Variants in CSN1S1 observed in about 807,000 individuals in gnomAD.
CSN1S1 encodes the protein casein alpha s1.
CSN1S1 carries 63 observed loss-of-function variants against 49.1 expected under a neutral mutation model. The ratio of observed to expected loss-of-function variants is 1.28; its 90% CI spans 1.05 to 1.58. The LOEUF (loss-of-function observed/expected upper bound fraction) is 1.58, where lower values mean the gene tolerates loss of function less well. Among genes scored for constraint, CSN1S1 ranks in the 40% most tolerant of loss-of-function variants. The probability of loss-of-function intolerance (pLI) is 0.00; values close to 1 mark genes in which losing one functional copy is unlikely to be tolerated. For missense variants in CSN1S1, 260 were observed against 224.7 expected (o/e 1.16, Z -1.01); for synonymous variants, 78 against 67.1 (o/e 1.16, Z -0.79).
chr4:69,934,282 AT>A (rs1422151042), intron 3 of CSN1S1, 38 bp downstream of exon 3: 1 of 1,594,742 alleles, frequency 6.3e-7, no homozygotes, highest in African/African-American at 1.3e-5. Flanking sequence ...ACTCACTCTA[AT>A]TGTGAAGCAC....
intron 2 of CSN1S1, among the ~76,000 whole-genome samples, chr4:69,933,598 T>G (rs758956411): frequency 6.6e-6 from 1 of 152,002 alleles, no homozygotes; most frequent in East Asian, 1.9e-4. Flanking sequence ...GCAGTTCTTA[T>G]CTTGTCATTC....
At position 69,941,007 on chromosome 4, in the gene CSN1S1, C is replaced by T. The variant is rs530076582; in HGVS notation, c.301-12C>T. 4 of 1,454,940 alleles carry T rather than the reference C, an allele frequency of 2.7e-6. No homozygotes were observed. In the South Asian group the frequency reaches 3.8e-5, roughly 14 times the overall value. 90.1% of individuals were successfully genotyped at this position (1,454,940 alleles called of 1,614,324 possible). ...CATCCAAGCAATTGAGAATATTTTT[C>T]TTTTTAAATAGGAACAGTTTTGTAG... On this transcript the variant is annotated splice_polypyrimidine_tract_variant and intron_variant, in intron 11 of 15. Coordinates refer to ENST00000246891, the MANE Select transcript of CSN1S1 (RefSeq NM_001890.2).
intron 3 of CSN1S1, 96 bp from the exon 4 acceptor site, chr4:69,934,594 T>C (rs1014510151): frequency 2.0e-5 from 22 of 1,080,658 alleles, no homozygotes; most frequent in Non-Finnish European, 2.4e-5. Context: ...AATCTTGAAT[T>C]AGTTACCTCT....
In CSN1S1 at chr4:69,946,377, T is replaced by C; in HGVS notation, c.*181T>C. On this transcript the variant is annotated 3_prime_UTR_variant, in exon 16 of 16. Coordinates refer to ENST00000246891, the MANE Select transcript of CSN1S1 (RefSeq NM_001890.2). ...CTAAATTTTCCTAGAGAGTTTATTG[T>C]CTAAATTTCAGTTGTGTCTTGCCAT... 1 of 294,176 alleles carries C rather than the reference T, an allele frequency of 3.4e-6. No homozygotes were observed. Among genetic ancestry groups the C allele is most frequent in the Non-Finnish European group, 6.6e-6 (1 of 151,324 alleles). The allele number at this position is 294,176 out of a possible 1,614,324, so 18.2% of individuals were successfully genotyped here.
intron 14 of CSN1S1, among the ~76,000 whole-genome samples, chr4:69,943,775 A>AG (rs1163340577): frequency 1.3e-5 from 2 of 152,022 alleles, no homozygotes; most frequent in African/African-American, 4.8e-5. Context: ...AGAGCAAAAA[A>AG]GAATACACAA....
chr4:69,934,353 A>G (rs1481464466), intron 3 of CSN1S1, 109 bp downstream of exon 3: 27 of 1,103,908 alleles, frequency 2.4e-5, no homozygotes, highest in Non-Finnish European at 3.4e-5. Context: ...TTGCTGACGC[A>G]TCATTTCTTT....
At position 69,937,142 on chromosome 4, in the gene CSN1S1, C is replaced by G; in HGVS notation, c.217C>G (p.Gln73Glu). 2 of 1,535,858 alleles carry G rather than the reference C, an allele frequency of 1.3e-6. No individual in the cohort carries two copies. The highest frequency in any genetic ancestry group is 1.8e-6 in the Non-Finnish European group (2 of 1,139,278). The change falls in exon 8 of 16, where the codon CAG becomes GAG. Residue 73 changes from glutamine to glutamate, a missense_variant and splice_region_variant. Physicochemically the swap from Gln to Glu is conservative, Grantham distance 29 (BLOSUM62 2). Coordinates refer to ENST00000246891, the MANE Select transcript of CSN1S1 (RefSeq NM_001890.2). Reference sequence around the variant, plus strand: ...GCAGGATACTAGGAATGAGTCTACTCAGGTGAGACCCTTTGTTTTAAAATT... The same window carrying G: ...GCAGGATACTAGGAATGAGTCTACTGAGGTGAGACCCTTTGTTTTAAAATT... ...EIKDTRNEST[Q>E]NCVVAEPEKM...
At chr4:69,942,853 A>G (rs2109727981) in intron 14 of CSN1S1, among the ~76,000 whole-genome samples, 1 of 151,968 alleles carries the variant, frequency 6.6e-6, no homozygotes, top group Non-Finnish European at 1.5e-5. Context: ...GTTTACAGTG[A>G]CATATTGTGT....
Position 69,946,205 on chromosome 4 carries a change from A to G in CSN1S1, c.*9A>G, listed in dbSNP as rs926804316. ...CTATTTCTATTTACAGATATGATTG[A>G]AAATTTCATTCTCTGAATTTCTCCT... On this transcript the variant is annotated 3_prime_UTR_variant, in exon 16 of 16. Transcript: ENST00000246891. 9.1e-6 allele frequency: 5 copies of G among 548,694 alleles called. No individual in the cohort carries two copies. The African/African-American group carries it at 9.7e-5, about 11-fold the overall frequency. 34.0% of individuals were successfully genotyped at this position (548,694 alleles called of 1,614,324 possible).
rs753013521 is a variant in CSN1S1 at position 69,934,250 on chromosome 4, T to A, written c.84+6T>A. On this transcript the variant is annotated splice_donor_region_variant and intron_variant, in intron 3 of 15. Transcript: ENST00000246891. ...GATACCCAGAACGCCTTCAGGTAAATATTCTATTCTGCATTCCAAGAACTC... is the reference window on the plus strand; with the variant it reads ...GATACCCAGAACGCCTTCAGGTAAAAATTCTATTCTGCATTCCAAGAACTC... 8.7e-6 allele frequency: 14 copies of A among 1,610,326 alleles called. No homozygotes were observed. Among genetic ancestry groups the A allele is most frequent in the Non-Finnish European group, 1.1e-5 (13 of 1,177,740 alleles).
At position 69,936,552 on chromosome 4, in the gene CSN1S1, T is replaced by G; in HGVS notation, c.154-14T>G. ...TGAAAACATATTTTACAAGGTACAC[T>G]TTATTGATTTTAGCAGAGAAACATT... On this transcript the variant is annotated splice_polypyrimidine_tract_variant and intron_variant, in intron 6 of 15. Transcript: ENST00000246891. The G allele has an allele frequency of 5.6e-6, 9 of 1,605,030 alleles. No homozygotes were observed. Among genetic ancestry groups the G allele is most frequent in the Non-Finnish European group, 6.0e-6 (7 of 1,175,018 alleles).
chr4:69,936,579 T>G lies in CSN1S1; in HGVS notation c.167T>G (p.Leu56Arg). The change falls in exon 7 of 16, where the codon CTG (leucine) becomes CGG (arginine). Residue 56 changes from leucine (L) to arginine (R), a missense_variant. Coordinates refer to ENST00000246891, the MANE Select transcript of CSN1S1 (RefSeq NM_001890.2). ...TATTGATTTTAGCAGAGAAACATTC[T>G]GAGAGAAAAACAGACTGATGAAATC... is the stretch of plus-strand genomic sequence containing the variant. ...MNGMNRQRNI[L>R]REKQTDEIKD... The G allele has an allele frequency of 1.2e-6, 2 of 1,606,498 alleles. No individual in the cohort carries two copies. Among genetic ancestry groups the G allele is most frequent in the Non-Finnish European group, 1.7e-6 (2 of 1,175,962 alleles).
chr4:69,945,044 A>C (rs545261960), intron 15 of CSN1S1, 40 bp downstream of exon 15: 4 of 1,599,974 alleles, frequency 2.5e-6, no homozygotes, highest in South Asian at 1.1e-5. Context: ...TGTTCTACCA[A>C]AGGAATGAAA....
At chr4:69,945,132 A>G in intron 15 of CSN1S1, 128 bp downstream of exon 15, 1 of 948,694 alleles carries the variant, frequency 1.1e-6, no homozygotes, top group East Asian at 2.6e-5. Context: ...CAAAGGACTA[A>G]TATGTTCTGA....
At chr4:69,933,635 A>G (rs956855758) in intron 2 of CSN1S1, among the ~76,000 whole-genome samples, 5 of 152,022 alleles carry the variant, frequency 3.3e-5, no homozygotes, top group Non-Finnish European at 5.9e-5. Flanking sequence ...AAAGCAGCCC[A>G]GAAAATAGAT....
chr4:69,934,334 G>A (rs1722703789), intron 3 of CSN1S1, 90 bp downstream of exon 3: 2 of 1,295,088 alleles, frequency 1.5e-6, no homozygotes, highest in African/African-American at 1.5e-5. Flanking sequence ...GAAACAGCCT[G>A]CTTCACTTTT....
Position 69,934,241 on chromosome 4 carries a change from T to A in CSN1S1, c.81T>A (p.Leu27=). The change falls in exon 3 of 16, where the codon CTT becomes CTA. Residue 27 remains leucine, a synonymous_variant. Transcript: ENST00000246891. ...PKLPLRYPER[L]QNPSESSEPI... is the part of the protein sequence containing the mutation. ...TTCCTCTTAGATACCCAGAACGCCTTCAGGTAAATATTCTATTCTGCATTC... is the reference window on the plus strand; with the variant it reads ...TTCCTCTTAGATACCCAGAACGCCTACAGGTAAATATTCTATTCTGCATTC... 1 of 1,611,066 alleles carries A rather than the reference T, an allele frequency of 6.2e-7. No individual in the cohort carries two copies. Among genetic ancestry groups the A allele is most frequent in the Non-Finnish European group, 8.5e-7 (1 of 1,178,304 alleles).
chr4:69,942,445 T>A, intron 13 of CSN1S1, 91 bp from the exon 14 acceptor site: 2 of 987,818 alleles, frequency 2.0e-6, no homozygotes, highest in Non-Finnish European at 3.1e-6. Context: ...ATTTCATGAA[T>A]GATGTTATGT....
intron 15 of CSN1S1, among the ~76,000 whole-genome samples, chr4:69,945,694 A>G (rs1723138947): frequency 6.6e-6 from 1 of 151,954 alleles, no homozygotes; most frequent in South Asian, 2.1e-4. Flanking sequence ...GTAAGTTTGG[A>G]AATTATGTAT....
Sources: allele counts gnomAD v4.1 joint callset (sites outside exome capture counted in the v4.1 genomes callset), GRCh38; gene constraint gnomAD v4.1.1; transcripts MANE v1.5; gene names NCBI Gene and HGNC (gene_info 2026-07-23, HGNC 2026-07-21).